The following KMT2C variants were observed in gnomAD, a reference collection of about 807,000 sequenced individuals.
The protein encoded by KMT2C is histone-lysine N-methyltransferase 2C.
In KMT2C, 88 loss-of-function variants were observed where a neutral mutation model predicts 507.9. The ratio of observed to expected loss-of-function variants is 0.17; its 90% CI spans 0.15 to 0.21. The LOEUF is 0.21. Among genes scored for constraint, KMT2C ranks in the 10% least tolerant of loss-of-function variants. The probability of loss-of-function intolerance (pLI) is 1.00; values close to 1 mark genes in which losing one functional copy is unlikely to be tolerated. For missense variants in KMT2C, 4,954 were observed against 5,957.8 expected (o/e 0.83, Z 5.55); for synonymous variants, 2,049 against 2,080.8 (o/e 0.98, Z 0.42).
chr7:152,370,668 T>C (rs542195126), intron 1 of KMT2C, among the ~76,000 whole-genome samples: 88 of 152,314 alleles, frequency 5.8e-4, no homozygotes, highest in Non-Finnish European at 1.1e-3. Flanking sequence ...TACCACACCA[T>C]GTAGGGTTTA....
chr7:152,396,650 C>G (rs17173424), intron 1 of KMT2C, among the ~76,000 whole-genome samples: 7,393 of 152,154 alleles, frequency 0.049, 631 homozygotes, highest in African/African-American at 0.17. Context: ...ATTCTAGGAA[C>G]AAAGTGCCAA....
chr7:152,376,882 G>A (rs1242501868), intron 1 of KMT2C, among the ~76,000 whole-genome samples: 1 of 152,264 alleles, frequency 6.6e-6, no homozygotes, highest in African/African-American at 2.4e-5. Context: ...AGCTAGAGAG[G>A]GAAAATCAAT....
chr7:152,412,772 G>A (rs1589846977), intron 1 of KMT2C, among the ~76,000 whole-genome samples: 2 of 152,204 alleles, frequency 1.3e-5, no homozygotes, highest in Non-Finnish European at 2.9e-5. Flanking sequence ...GTGGTGGGGG[G>A]GATGGTGCTG....
chr7:152,343,072 T>A (rs886192943), intron 2 of KMT2C, among the ~76,000 whole-genome samples: 2 of 152,054 alleles, frequency 1.3e-5, no homozygotes, highest in Non-Finnish European at 2.9e-5. Flanking sequence ...CCCAGTGTAC[T>A]ACACCTGGCT....
intron 8 of KMT2C, among the ~76,000 whole-genome samples, chr7:152,264,506 G>A (rs1011115120): frequency 2.6e-5 from 4 of 152,242 alleles, no homozygotes; most frequent in African/African-American, 9.6e-5. Flanking sequence ...ATCTACTCAA[G>A]GTGGCTTTTA....
intron 7 of KMT2C, among the ~76,000 whole-genome samples, chr7:152,267,563 C>T (rs1033628951): frequency 6.6e-6 from 1 of 152,154 alleles, no homozygotes; most frequent in African/African-American, 2.4e-5. Context: ...CAGTTTTTGA[C>T]ATTACTTTTA....
chr7:152,287,451 T>C (rs567580031), intron 6 of KMT2C, among the ~76,000 whole-genome samples: 1 of 152,272 alleles, frequency 6.6e-6, no homozygotes, highest in South Asian at 2.1e-4. Context: ...AATCTTCACA[T>C]ACACCTGGGA....
intron 6 of KMT2C, among the ~76,000 whole-genome samples, chr7:152,288,260 G>T (rs1188979687): frequency 6.7e-6 from 1 of 148,972 alleles, no homozygotes; most frequent in Non-Finnish European, 1.5e-5. Context: ...GTGGCCAGGT[G>T]CGGTCGCTCA....
At chr7:152,185,067 A>G (rs2093582149) in intron 34 of KMT2C, among the ~76,000 whole-genome samples, 1 of 152,176 alleles carries the variant, frequency 6.6e-6, no homozygotes, top group Admixed American at 6.5e-5. Context: ...CCTCCTGTAT[A>G]CTTTAAGTCA....
At chr7:152,280,633 C>T (rs988424445) in intron 6 of KMT2C, among the ~76,000 whole-genome samples, 9 of 152,140 alleles carry the variant, frequency 5.9e-5, no homozygotes, top group African/African-American at 2.2e-4. Context: ...GATTCACCCC[C>T]AGAGCTTCCA....
chr7:152,356,897 G>GAAGAATAAT (rs374330869), intron 2 of KMT2C, among the ~76,000 whole-genome samples: 8 of 138,338 alleles, frequency 5.8e-5, no homozygotes, highest in Admixed American at 4.5e-4. Context: ...AACTCAAAAA[G>GAAGAATAAT]AATAATAATA....
At chr7:152,142,598 T>C (rs2090692279) in intron 55 of KMT2C, among the ~76,000 whole-genome samples, 2 of 152,236 alleles carry the variant, frequency 1.3e-5, no homozygotes, top group African/African-American at 4.8e-5. Context: ...ATATACCCCA[T>C]AGGAGTGAAA....
chr7:152,354,193 C>T (rs956382109), intron 2 of KMT2C, among the ~76,000 whole-genome samples: 17 of 152,084 alleles, frequency 1.1e-4, no homozygotes, highest in African/African-American at 4.1e-4. Context: ...CTGTATTTGC[C>T]TTGACCTCTC....
At chr7:152,416,838 G>A (rs1336924351) in intron 1 of KMT2C, among the ~76,000 whole-genome samples, 1 of 151,090 alleles carries the variant, frequency 6.6e-6, no homozygotes, top group Admixed American at 6.6e-5. Context: ...GGTCACTTGA[G>A]ACAGGAGTTC....
At chr7:152,155,492 CG>C (rs2091979235) in intron 46 of KMT2C, among the ~76,000 whole-genome samples, 1 of 152,154 alleles carries the variant, frequency 6.6e-6, no homozygotes, top group Non-Finnish European at 1.5e-5. Flanking sequence ...TCTTCCACGA[CG>C]GCGTTCTCTG....
rs986791501 is a variant in KMT2C at position 152,154,437 on chromosome 7, T to A, written c.11969A>T (p.Asp3990Val). ...AGGAGTATCTCGATCACCACAGTGA[T>A]CCTGTATCCTGAAAAAACATAAACA... ...HNNQEELRIQDHCGDRDTPDS... is the reference protein window; with the variant it reads ...HNNQEELRIQVHCGDRDTPDS... Residue 3990 changes from aspartate (D) to valine (V), a missense_variant, in exon 47 of 59, where the codon GAT becomes GTT. Asp to Val is a radical substitution (Grantham distance 152). Coordinates refer to ENST00000262189, the MANE Select transcript of KMT2C (RefSeq NM_170606.3). 6.2e-7 allele frequency: 1 copy of A among 1,612,774 alleles called. No homozygotes were observed. The highest frequency in any genetic ancestry group is 1.3e-5 in the African/African-American group (1 of 75,014).
intron 1 of KMT2C, among the ~76,000 whole-genome samples, chr7:152,411,573 T>G (rs573150488): frequency 2.0e-5 from 3 of 152,192 alleles, no homozygotes; most frequent in African/African-American, 4.8e-5. Flanking sequence ...GTAGAGAAAG[T>G]AGATCCGACG....
chr7:152,272,155 T>A (rs2095988692), intron 7 of KMT2C, among the ~76,000 whole-genome samples: 1 of 152,232 alleles, frequency 6.6e-6, no homozygotes, highest in Non-Finnish European at 1.5e-5. Flanking sequence ...GTGTATCTTT[T>A]AGCTTTATGT....
At chr7:152,380,908 T>C (rs2097368360) in intron 1 of KMT2C, among the ~76,000 whole-genome samples, 1 of 152,168 alleles carries the variant, frequency 6.6e-6, no homozygotes, top group Non-Finnish European at 1.5e-5. Context: ...ACAGACCTAG[T>C]ATATTTATGA....
Sources: allele counts gnomAD v4.1 joint callset (sites outside exome capture counted in the v4.1 genomes callset), GRCh38; gene constraint gnomAD v4.1.1; transcripts MANE v1.5; gene names NCBI Gene and HGNC (gene_info 2026-07-23, HGNC 2026-07-21).